Variants in KIRREL3 observed in about 807,000 individuals in gnomAD.
KIRREL3 encodes the protein kirre like nephrin family adhesion molecule 3.
In KIRREL3, 36 loss-of-function variants were observed where a neutral mutation model predicts 89.7. That is an observed-to-expected ratio of 0.40 (90% CI 0.31 to 0.53). The LOEUF (loss-of-function observed/expected upper bound fraction) is 0.53. Among genes scored for constraint, KIRREL3 ranks in the 20% least tolerant of loss-of-function variants. The pLI is 0.49. For synonymous variants in KIRREL3, 445 were observed against 441.4 expected (o/e 1.01, Z -0.10); for missense variants, 864 against 1,056.6 (o/e 0.82, Z 2.53).
chr11:126,674,292 C>G (rs956163146), intron 1 of KIRREL3, among the ~76,000 whole-genome samples: 1 of 152,218 alleles, frequency 6.6e-6, no homozygotes, highest in African/African-American at 2.4e-5. Flanking sequence ...TGAAGGCATA[C>G]TAGGTGATCT....
rs1258247886 is a variant in KIRREL3 at position 126,520,391 on chromosome 11, G to A, written c.433+924C>T. On this transcript the variant is annotated intron_variant, in intron 4 of 16. Transcript: ENST00000525144. The surrounding 1 kb of genome is among the most constrained non-coding windows in gnomAD (Gnocchi z 4.9). Reference sequence around the variant, plus strand: ...CCCTGGCCAGGAGCCCATGGGCCAAGCTCTTTGCATCTGTGGGCCTTAGTA... The same window carrying A: ...CCCTGGCCAGGAGCCCATGGGCCAAACTCTTTGCATCTGTGGGCCTTAGTA... Among the ~76,000 whole-genome samples, 1 of 152,196 alleles carries A rather than the reference G, an allele frequency of 6.6e-6. No individual in the cohort carries two copies. The highest frequency in any genetic ancestry group is 1.5e-5 in the Non-Finnish European group (1 of 68,040).
intron 4 of KIRREL3, among the ~76,000 whole-genome samples, chr11:126,488,859 C>T (rs1402651330): frequency 6.6e-6 from 1 of 152,246 alleles, no homozygotes; most frequent in Non-Finnish European, 1.5e-5. Flanking sequence ...GCACCCAGGC[C>T]TGGCCACCTT....
At position 126,643,488 on chromosome 11, in the gene KIRREL3, G is replaced by C. The variant is rs567059526; in HGVS notation, c.56-80576C>G. 6.6e-6 allele frequency among the ~76,000 whole-genome samples: 1 copy of C among 152,238 alleles called. No individual in the cohort carries two copies. Among genetic ancestry groups the C allele is most frequent in the Admixed American group, 6.5e-5 (1 of 15,286 alleles). ...TGAGTATTGAAGTGGAAAAGAGGAG[G>C]TCATGGTTCAGGGAAAGGTGACTAG... On this transcript the variant is annotated intron_variant, in intron 1 of 16. Transcript: ENST00000525144. The surrounding 1 kb of genome is among the most constrained non-coding windows in gnomAD (Gnocchi z 4.5).
intron 1 of KIRREL3, among the ~76,000 whole-genome samples, chr11:126,720,872 C>T (rs1374832939): frequency 6.6e-6 from 1 of 152,090 alleles, no homozygotes; most frequent in South Asian, 2.1e-4. Flanking sequence ...GAGGAGTGTC[C>T]AGGAAAGGGC....
intron 1 of KIRREL3, among the ~76,000 whole-genome samples, chr11:126,598,681 A>C (rs1942508328): frequency 6.6e-6 from 1 of 152,204 alleles, no homozygotes; most frequent in Non-Finnish European, 1.5e-5. Flanking sequence ...TGCTTATGCC[A>C]CTTACTTTGG....
rs942045948 is a variant in KIRREL3, at chr11:126,782,218, G to A, written c.55+218237C>T. 6.6e-6 allele frequency among the ~76,000 whole-genome samples: 1 copy of A among 152,126 alleles called. No individual in the cohort carries two copies. The highest frequency in any genetic ancestry group is 2.4e-5 in the African/African-American group (1 of 41,416). ...CTCCCGTCCCTACTCTAGAGGCCACGAGTTCAAAATGATAAAGCTAAAAGT... is the reference window on the plus strand; with the variant it reads ...CTCCCGTCCCTACTCTAGAGGCCACAAGTTCAAAATGATAAAGCTAAAAGT... On this transcript the variant is annotated intron_variant, in intron 1 of 16. Transcript: ENST00000525144. The surrounding 1 kb of genome is among the most constrained non-coding windows in gnomAD (Gnocchi z 4.1).
Position 126,677,883 on chromosome 11 carries a change from C to G in KIRREL3, c.56-114971G>C, listed in dbSNP as rs1038427858. Reference sequence around the variant, plus strand: ...CTGGTGCCCTGGGAATGTTCCCAACCAGATGATTATGGCTGTTGTCACCAC... The same window carrying G: ...CTGGTGCCCTGGGAATGTTCCCAACGAGATGATTATGGCTGTTGTCACCAC... On this transcript the variant is annotated intron_variant, in intron 1 of 16. Transcript: ENST00000525144. The surrounding 1 kb of genome is among the most constrained non-coding windows in gnomAD (Gnocchi z 5.1). Among the ~76,000 whole-genome samples, 1 of 152,132 alleles carries G rather than the reference C, an allele frequency of 6.6e-6. No homozygotes were observed.
rs1949619611 is a variant in KIRREL3 at position 126,977,710 on chromosome 11, CT to C, written c.55+22744del. Among the ~76,000 whole-genome samples, 1 of 152,164 alleles carries C rather than the reference CT, an allele frequency of 6.6e-6. No individual in the cohort carries two copies. Among genetic ancestry groups the C allele is most frequent in the South Asian group, 2.1e-4 (1 of 4,836 alleles). On this transcript the variant is annotated intron_variant, in intron 1 of 16. Transcript: ENST00000525144. This position sits in a 1 kb window ranked among gnomAD's most constrained non-coding sequence, Gnocchi z 4.7. ...ACTTGAGCCCAGAGTGACAGAGTCC[CT>C]TATTGATTTTTCCCCAACCTTCTGA... is the stretch of plus-strand genomic sequence containing the variant.
At chr11:126,738,760 A>G (rs1592053237) in intron 1 of KIRREL3, among the ~76,000 whole-genome samples, 1 of 152,202 alleles carries the variant, frequency 6.6e-6, no homozygotes, top group African/African-American at 2.4e-5. Flanking sequence ...AAAAGCACCC[A>G]GAGAGATTTG....
intron 1 of KIRREL3, among the ~76,000 whole-genome samples, chr11:126,792,539 A>G (rs1950677896): frequency 1.3e-5 from 2 of 152,180 alleles, no homozygotes; most frequent in African/African-American, 4.8e-5. Flanking sequence ...ATGGCCCAGC[A>G]ATTCTTCAGG....
At position 126,476,084 on chromosome 11, in the gene KIRREL3, A is replaced by G. The variant is rs12806182; in HGVS notation, c.434-2618T>C. 0.2 allele frequency among the ~76,000 whole-genome samples: 29,981 copies of G among 152,222 alleles called. 3,077 individuals carry two copies. Among genetic ancestry groups the G allele is most frequent in the Non-Finnish European group, 0.23 (15,527 of 67,974 alleles). Reference sequence around the variant, plus strand: ...AAGCCCCTTCTCTCAGGGTGGCTTCAGGTGCAAACGTGAGAGCTCGGAGGA... The same window carrying G: ...AAGCCCCTTCTCTCAGGGTGGCTTCGGGTGCAAACGTGAGAGCTCGGAGGA... On this transcript the variant is annotated intron_variant, in intron 4 of 16. Transcript: ENST00000525144. This position sits in a 1 kb window ranked among gnomAD's most constrained non-coding sequence, Gnocchi z 6.4.
intron 1 of KIRREL3, among the ~76,000 whole-genome samples, chr11:126,833,374 T>G (rs372513058): frequency 6.6e-6 from 1 of 152,248 alleles, no homozygotes; most frequent in African/African-American, 2.4e-5. Flanking sequence ...GAGACCAGTT[T>G]GCCCACTGCA....
chr11:126,640,028 C>T lies in KIRREL3; in HGVS notation c.56-77116G>A, dbSNP rs1024029328. ...GCATGAATACTAAATAACTTCATTA[C>T]GATCAGTACTGTGACAATGAATATG... On this transcript the variant is annotated intron_variant, in intron 1 of 16. Transcript: ENST00000525144. The surrounding 1 kb of genome is among the most constrained non-coding windows in gnomAD (Gnocchi z 4.9). Among the ~76,000 whole-genome samples, 4 of 152,186 alleles carry T rather than the reference C, an allele frequency of 2.6e-5. No individual in the cohort carries two copies. The highest frequency in any genetic ancestry group is 2.9e-5 in the Non-Finnish European group (2 of 68,038).
chr11:126,865,273 T>A (rs1944880468), intron 1 of KIRREL3, among the ~76,000 whole-genome samples: 1 of 152,332 alleles, frequency 6.6e-6, no homozygotes, highest in Middle Eastern at 3.4e-3. Flanking sequence ...TAAAAGCAAA[T>A]TGACCAAGCT....
chr11:126,921,284 T>C (rs940465911), intron 1 of KIRREL3, among the ~76,000 whole-genome samples: 3 of 152,172 alleles, frequency 2.0e-5, no homozygotes, highest in African/African-American at 4.8e-5. Flanking sequence ...CTGAGCCACA[T>C]TGCCGGCTAT....
chr11:126,933,481 C>T (rs1333648235), intron 1 of KIRREL3, among the ~76,000 whole-genome samples: 1 of 150,296 alleles, frequency 6.7e-6, no homozygotes, highest in African/African-American at 2.5e-5. Context: ...ATATCAGATG[C>T]TTGGCAACTA....
At chr11:126,727,332 G>A (rs1280034104) in intron 1 of KIRREL3, among the ~76,000 whole-genome samples, 1 of 152,228 alleles carries the variant, frequency 6.6e-6, no homozygotes, top group African/African-American at 2.4e-5. Context: ...TCACCTCCCA[G>A]ACCCCTCGGA....
rs955009137 is a variant in KIRREL3, at chr11:126,754,977, T to G, written c.56-192065A>C. On this transcript the variant is annotated intron_variant, in intron 1 of 16. Coordinates refer to ENST00000525144, the MANE Select transcript of KIRREL3 (RefSeq NM_032531.4). The surrounding 1 kb of genome is among the most constrained non-coding windows in gnomAD (Gnocchi z 5.1). ...GCGGATGTGAAGAAAAGCTGTTTGC[T>G]TGACACAAACAGGGCTGGCCCTTTA... Among the ~76,000 whole-genome samples the G allele has an allele frequency of 6.6e-6, 1 of 152,206 alleles. No individual in the cohort carries two copies. The highest frequency in any genetic ancestry group is 1.5e-5 in the Non-Finnish European group (1 of 68,032).
intron 1 of KIRREL3, among the ~76,000 whole-genome samples, chr11:126,650,358 C>A (rs1405726094): frequency 6.6e-6 from 1 of 152,158 alleles, no homozygotes; most frequent in African/African-American, 2.4e-5. Context: ...ATTACATTGT[C>A]AGGCTGCATA....
Sources: gnomAD v4.1 joint callset for allele counts (sites outside exome capture counted in the v4.1 genomes callset) on GRCh38, gnomAD v4.1.1 for gene constraint, Gnocchi (gnomAD v3.1) non-coding constraint, MANE v1.5 for transcripts, NCBI Gene and HGNC (gene_info 2026-07-23, HGNC 2026-07-21) for gene names.